ZG16B: variants seen among roughly 807,000 people sequenced by gnomAD.
ZG16B encodes zymogen granule protein 16B.
A neutral mutation model predicts 7.0 loss-of-function variants in ZG16B; 8 were observed. The ratio of observed to expected loss-of-function variants is 1.15; its 90% CI spans 0.68 to 2.08. The LOEUF (loss-of-function observed/expected upper bound fraction) is 2.08. Among genes scored for constraint, ZG16B ranks in the 30% most tolerant of loss-of-function variants. The pLI is 0.00. For synonymous variants in ZG16B, 92 were observed against 86.1 expected, an observed-to-expected ratio of 1.07 and a Z score of -0.38; for missense variants, 232 against 211.0, an observed-to-expected ratio of 1.10 and a Z score of -0.62.
Position 2,832,212 on chromosome 16 carries a change from G to A in ZG16B, c.*53G>A, listed in dbSNP as rs2069262668. On this transcript the variant is annotated 3_prime_UTR_variant, in exon 4 of 4. Coordinates refer to ENST00000382280, the MANE Select transcript of ZG16B (RefSeq NM_145252.3). ...GGCCATCTGGGTGGTGGTGGCTGAT[G>A]GTACTGGAGTAACTGAGTCGGGACG... 1 of 1,567,886 alleles carries A rather than the reference G, an allele frequency of 6.4e-7. No homozygotes were observed. Among genetic ancestry groups the A allele is most frequent in the Admixed American group, 1.8e-5 (1 of 54,580 alleles).
rs765959161 is a variant in ZG16B at position 2,830,354 on chromosome 16, G to A, written c.-28+26G>A. On this transcript the variant is annotated intron_variant, in intron 1 of 3. Coordinates refer to ENST00000382280, the MANE Select transcript of ZG16B (RefSeq NM_145252.3). ...GTAAGGTGCTTGGCTCCATGGGTGGGGCCCGGCAAGGTCACACTGGCCCTT... is the reference window on the plus strand; with the variant it reads ...GTAAGGTGCTTGGCTCCATGGGTGGAGCCCGGCAAGGTCACACTGGCCCTT... 6.8e-6 allele frequency: 11 copies of A among 1,610,276 alleles called. No homozygotes were observed. In the African/African-American group the frequency reaches 1.2e-4, roughly 18 times the overall value.
rs777654993 is a variant in ZG16B at position 2,830,494 on chromosome 16, G to A, written c.52+1G>A. The A allele has an allele frequency of 1.3e-6, 2 of 1,596,802 alleles. No homozygotes were observed. Among genetic ancestry groups the A allele is most frequent in the Non-Finnish European group, 8.5e-7 (1 of 1,171,854 alleles). ...CTGGGGGGCCCCACCTGGGCAGGGA[G>A]TAAGTCAGTGGGGTCTGCCCTCAAT... is the stretch of plus-strand genomic sequence containing the variant. On this transcript the variant is annotated splice_donor_variant, in intron 2 of 3. Coordinates refer to ENST00000382280, the MANE Select transcript of ZG16B (RefSeq NM_145252.3). LOFTEE classifies it high-confidence loss of function.
chr16:2,830,560 CCCTT>C, intron 2 of ZG16B, 67 bp downstream of exon 2: 2 of 1,581,992 alleles, frequency 1.3e-6, no homozygotes, highest in Non-Finnish European at 8.6e-7. Flanking sequence ...ACTCACCCGG[CCCTT>C]GTCCCAGACT....
At position 2,830,689 on chromosome 16, in the gene ZG16B, T is replaced by A. The variant is rs1178222050; in HGVS notation, c.53-5T>A. ...TTCTTCCCTTTGGGTCTCTCTTTTC[T>A]TCAGAGATGTATGGCCCTGGAGGAG... is the stretch of plus-strand genomic sequence containing the variant. On this transcript the variant is annotated splice_polypyrimidine_tract_variant and splice_region_variant and intron_variant, in intron 2 of 3. Transcript: ENST00000382280. The A allele has an allele frequency of 6.2e-7, 1 of 1,614,196 alleles. No individual in the cohort carries two copies. The highest frequency in any genetic ancestry group is 2.2e-5 in the East Asian group (1 of 44,886).
At chr16:2,831,313 A>T in intron 3 of ZG16B, 1 of 192,852 alleles carries the variant, frequency 5.2e-6, no homozygotes, top group South Asian at 1.0e-4. Flanking sequence ...ATCCTGGGAG[A>T]GCACCAGGGT....
Position 2,830,595 on chromosome 16 carries a change from C to A in ZG16B, c.53-99C>A, listed in dbSNP as rs574328800. The A allele has an allele frequency of 1.1e-3, 1,796 of 1,584,728 alleles. 3 individuals are homozygous for A. Among genetic ancestry groups the A allele is most frequent in the Non-Finnish European group, 1.3e-3 (1,527 of 1,160,714 alleles). On this transcript the variant is annotated intron_variant, in intron 2 of 3. Transcript: ENST00000382280. Reference sequence around the variant, plus strand: ...AGACTAACTCTGGTCACAGAACCATCCTGTCTGCCTGGAGGGGTGGGGTCC... The same window carrying A: ...AGACTAACTCTGGTCACAGAACCATACTGTCTGCCTGGAGGGGTGGGGTCC...
rs1051742481 is a variant in ZG16B at position 2,832,074 on chromosome 16, T to C, written c.434T>C (p.Phe145Ser). 6.2e-6 allele frequency: 10 copies of C among 1,613,954 alleles called. No individual in the cohort carries two copies. The highest frequency in any genetic ancestry group is 8.5e-6 in the Non-Finnish European group (10 of 1,180,024). Residue 145 changes from phenylalanine to serine, a missense_variant, in exon 4 of 4, where the codon TTT becomes TCT. Physicochemically the swap from Phe to Ser is radical, Grantham distance 155. Transcript: ENST00000382280. Reference sequence around the variant, plus strand: ...CTCCTTGGCATCAAGAGCATTGGCTTTGAATGGAATTATCCACTAGAGGAG... The same window carrying C: ...CTCCTTGGCATCAAGAGCATTGGCTCTGAATGGAATTATCCACTAGAGGAG... ...YQLLGIKSIG[F>S]EWNYPLEEPT...
chr16:2,832,203 G>C lies in ZG16B; in HGVS notation c.*44G>C. The C allele has an allele frequency of 6.3e-7, 1 of 1,581,714 alleles. No individual in the cohort carries two copies. The highest frequency in any genetic ancestry group is 8.6e-7 in the Non-Finnish European group (1 of 1,161,792). On this transcript the variant is annotated 3_prime_UTR_variant, in exon 4 of 4. Transcript: ENST00000382280. Reference sequence around the variant, plus strand: ...CCGAGCTGAGGCCATCTGGGTGGTGGTGGCTGATGGTACTGGAGTAACTGA... The same window carrying C: ...CCGAGCTGAGGCCATCTGGGTGGTGCTGGCTGATGGTACTGGAGTAACTGA...
In ZG16B at chr16:2,832,161, G is replaced by C. The variant is rs767852880; in HGVS notation, c.*2G>C. On this transcript the variant is annotated 3_prime_UTR_variant, in exon 4 of 4. Transcript: ENST00000382280. ...GCAAACTCACCCGTGGGTCGCTAGGGTGGGGTATGGGGCCATCCGAGCTGA... is the reference window on the plus strand; with the variant it reads ...GCAAACTCACCCGTGGGTCGCTAGGCTGGGGTATGGGGCCATCCGAGCTGA... 1 of 1,610,402 alleles carries C rather than the reference G, an allele frequency of 6.2e-7. No homozygotes were observed. The highest frequency in any genetic ancestry group is 1.3e-5 in the African/African-American group (1 of 74,870).
At chr16:2,830,916 CGATGCTTCCTGGCTCCCGCT>C (rs1016826424) in intron 3 of ZG16B, 120 bp downstream of exon 3, 3 of 972,042 alleles carry the variant, frequency 3.1e-6, no homozygotes, top group African/African-American at 3.2e-5. Context: ...TGGCTACTGT[CGATGCTTCCTGGCTCCCGCT>C]GATGCTTCCT....
intron 3 of ZG16B, chr16:2,831,116 C>T: frequency 3.4e-6 from 1 of 290,986 alleles, no homozygotes; most frequent in Non-Finnish European, 6.6e-6. Context: ...GGACCACTGA[C>T]TGAATATGAG....
intron 3 of ZG16B, among the ~76,000 whole-genome samples, chr16:2,831,435 C>G (rs1355448138): frequency 6.6e-6 from 1 of 152,178 alleles, no homozygotes; most frequent in Non-Finnish European, 1.5e-5. Flanking sequence ...TCGGGAGGTC[C>G]AGGCTCGGCC....
chr16:2,831,888 T>C lies in ZG16B; in HGVS notation c.248T>C (p.Ile83Thr). ...QEVTLQPGEYITKVFVAFQAF... is the reference protein window; with the variant it reads ...QEVTLQPGEYTTKVFVAFQAF... ...GTCACCCTGCAGCCAGGCGAATACA[T>C]CACAAAAGTCTTTGTCGCCTTCCAA... Residue 83 changes from isoleucine (I) to threonine (T), a missense_variant, in exon 4 of 4, where the codon ATC (isoleucine) becomes ACC (threonine). Ile to Thr is a moderately conservative substitution (Grantham distance 89, BLOSUM62 -1). Coordinates refer to ENST00000382280, the MANE Select transcript of ZG16B (RefSeq NM_145252.3). The C allele has an allele frequency of 6.2e-7, 1 of 1,614,086 alleles. No homozygotes were observed. Among genetic ancestry groups the C allele is most frequent in the South Asian group, 1.1e-5 (1 of 91,080 alleles).
chr16:2,830,636 GTCACCCCCATA>G, intron 2 of ZG16B, 47 bp from the exon 3 acceptor site: 1 of 1,605,502 alleles, frequency 6.2e-7, no homozygotes, highest in Non-Finnish European at 8.5e-7. Flanking sequence ...TCTGGCAGAG[GTCACCCCCATA>G]TCACCGCATG....
At position 2,832,081 on chromosome 16, in the gene ZG16B, G is replaced by T. The variant is rs200324923; in HGVS notation, c.441G>T (p.Trp147Cys). ...LLGIKSIGFE[W>C]NYPLEEPTTE... is the part of the protein sequence containing the mutation. ...GCATCAAGAGCATTGGCTTTGAATG[G>T]AATTATCCACTAGAGGAGCCGACCA... The change falls in exon 4 of 4, where the codon TGG (tryptophan) becomes TGT (cysteine). Residue 147 changes from tryptophan (W) to cysteine (C), a missense_variant. Trp to Cys is a radical substitution (Grantham distance 215). Coordinates refer to ENST00000382280, the MANE Select transcript of ZG16B (RefSeq NM_145252.3). 32 of 1,614,120 alleles carry T rather than the reference G, an allele frequency of 2.0e-5. No individual in the cohort carries two copies. Among genetic ancestry groups the T allele is most frequent in the Non-Finnish European group, 2.5e-5 (30 of 1,180,014 alleles).
intron 3 of ZG16B, 28 bp downstream of exon 3, chr16:2,830,824 G>A: frequency 6.2e-7 from 1 of 1,611,036 alleles, no homozygotes; most frequent in Non-Finnish European, 8.5e-7. Flanking sequence ...CATGGGCCCA[G>A]CGCCATGTCC....
At chr16:2,830,360 G>C in intron 1 of ZG16B, 32 bp downstream of exon 1, 3 of 1,609,568 alleles carry the variant, frequency 1.9e-6, no homozygotes, top group Non-Finnish European at 2.5e-6. Context: ...GTGGGGCCCG[G>C]CAAGGTCACA....
chr16:2,830,406 T>C lies in ZG16B; in HGVS notation c.-27-9T>C. 6.2e-7 allele frequency: 1 copy of C among 1,604,962 alleles called. No homozygotes were observed. The highest frequency in any genetic ancestry group is 1.1e-5 in the South Asian group (1 of 89,776). On this transcript the variant is annotated splice_polypyrimidine_tract_variant and intron_variant, in intron 1 of 3. Transcript: ENST00000382280. Reference sequence around the variant, plus strand: ...CTTTGGAGTCAGGAGGCCTCTCTTCTTCCCACAGAGCCCTGGGATGCACCG... The same window carrying C: ...CTTTGGAGTCAGGAGGCCTCTCTTCCTCCCACAGAGCCCTGGGATGCACCG...
rs1217392191 is a variant in ZG16B, at chr16:2,832,055, G to C, written c.415G>C (p.Gly139Arg). Residue 139 changes from glycine (G) to arginine (R), a missense_variant, in exon 4 of 4, where the codon GGC becomes CGC. Coordinates refer to ENST00000382280, the MANE Select transcript of ZG16B (RefSeq NM_145252.3). ...VGIYGQYQLLGIKSIGFEWNY... is the reference protein window; with the variant it reads ...VGIYGQYQLLRIKSIGFEWNY... ...CATCTATGGCCAGTATCAACTCCTT[G>C]GCATCAAGAGCATTGGCTTTGAATG... 1 of 1,614,030 alleles carries C rather than the reference G, an allele frequency of 6.2e-7. No homozygotes were observed. The highest frequency in any genetic ancestry group is 1.3e-5 in the African/African-American group (1 of 74,914).
Sources: allele counts gnomAD v4.1 joint callset (sites outside exome capture counted in the v4.1 genomes callset), GRCh38; gene constraint gnomAD v4.1.1; transcripts MANE v1.5; gene names NCBI Gene and HGNC (gene_info 2026-07-23, HGNC 2026-07-21).